SINHCAF: variants seen among roughly 807,000 people sequenced by gnomAD.
SINHCAF encodes the protein SIN3-HDAC complex-associated factor.
Under a neutral mutation model 25.8 loss-of-function variants are expected in SINHCAF, and 3 were observed. The ratio of observed to expected loss-of-function variants is 0.12; its 90% CI spans 0.05 to 0.30. SINHCAF has a LOEUF of 0.30. Among genes scored for constraint, SINHCAF ranks in the 10% least tolerant of loss-of-function variants. SINHCAF has a pLI of 1.00. For missense variants in SINHCAF, 121 were observed against 262.3 expected, an observed-to-expected ratio of 0.46 and a Z score of 3.72; for synonymous variants, 70 against 85.5, an observed-to-expected ratio of 0.82 and a Z score of 1.00.
At chr12:31,317,094 C>A (rs1245387266) in intron 1 of SINHCAF, among the ~76,000 whole-genome samples, 2 of 152,176 alleles carry the variant, frequency 1.3e-5, no homozygotes, top group Non-Finnish European at 2.9e-5. Flanking sequence ...TTCAAAAGTA[C>A]CTTTCAAAAC....
intron 1 of SINHCAF, among the ~76,000 whole-genome samples, chr12:31,317,144 A>T (rs1360706726): frequency 2.6e-5 from 4 of 152,242 alleles, no homozygotes; most frequent in Non-Finnish European, 5.9e-5. Context: ...AAGAAAATTG[A>T]GAGCAATAGT....
At chr12:31,298,030 TG>T (rs761374451) in intron 2 of SINHCAF, 46 bp downstream of exon 2, 1 of 1,555,896 alleles carries the variant, frequency 6.4e-7, no homozygotes, top group Non-Finnish European at 8.8e-7. Flanking sequence ...CTGTATGCTG[TG>T]GTATTTTTTC....
chr12:31,284,396 T>C (rs1208600068), intron 5 of SINHCAF, among the ~76,000 whole-genome samples: 5 of 152,200 alleles, frequency 3.3e-5, no homozygotes, highest in Admixed American at 6.5e-5. Context: ...ATTGTAGGAG[T>C]TGTCTGTATA....
rs552360723 is a variant in SINHCAF, at chr12:31,300,548, T to C, written c.-20-2324A>G. Among the ~76,000 whole-genome samples, 250 of 152,258 alleles carry C rather than the reference T, an allele frequency of 1.6e-3. 1 individual carries two copies. Among genetic ancestry groups the C allele is most frequent in the South Asian group, 6.8e-3 (33 of 4,826 alleles). On this transcript the variant is annotated intron_variant, in intron 1 of 5. Transcript: ENST00000337682. ...CTCTACACAGTCATAAGAAAAGATC[T>C]AGAGAGGCCTGCTCAAATGAGGCAG...
chr12:31,323,494 A>G (rs1939789906), intron 1 of SINHCAF, among the ~76,000 whole-genome samples: 1 of 152,186 alleles, frequency 6.6e-6, no homozygotes, highest in African/African-American at 2.4e-5. Context: ...GCTGGGGTAA[A>G]ACTGTCTCGG....
At chr12:31,297,994 T>C in intron 2 of SINHCAF, 83 bp downstream of exon 2, 2 of 1,330,720 alleles carry the variant, frequency 1.5e-6, no homozygotes, top group South Asian at 1.3e-5. Context: ...AGCACATTGT[T>C]CCAATCACCT....
intron 1 of SINHCAF, among the ~76,000 whole-genome samples, chr12:31,309,977 A>G (rs1395089136): frequency 6.6e-6 from 1 of 152,004 alleles, no homozygotes; most frequent in Admixed American, 6.6e-5. Flanking sequence ...AACTTGTGAT[A>G]TATTATGAGG....
chr12:31,317,931 G>A (rs780115202), intron 1 of SINHCAF, among the ~76,000 whole-genome samples: 1 of 152,168 alleles, frequency 6.6e-6, no homozygotes, highest in Non-Finnish European at 1.5e-5. Context: ...TGAAGGAGAT[G>A]CATTTCTTTA....
Position 31,321,677 on chromosome 12 carries a change from G to A in SINHCAF, c.-21+4347C>T, listed in dbSNP as rs573139290. 4.6e-5 allele frequency among the ~76,000 whole-genome samples: 7 copies of A among 152,254 alleles called. No individual in the cohort carries two copies. In the South Asian group the frequency reaches 1.5e-3, roughly 32 times the overall value. ...AAGCATTACTAACCCAGAAACCTCT[G>A]AACAGCAAAACTTCGTGCCTCAATA... On this transcript the variant is annotated intron_variant, in intron 1 of 5. Coordinates refer to ENST00000337682, the MANE Select transcript of SINHCAF (RefSeq NM_001135812.2).
chr12:31,297,440 G>A (rs972526952), intron 2 of SINHCAF, among the ~76,000 whole-genome samples: 4 of 150,056 alleles, frequency 2.7e-5, no homozygotes, highest in East Asian at 1.9e-4. Flanking sequence ...GATTACTAGC[G>A]TGAGCCACTG....
chr12:31,288,627 G>A (rs1350631101), intron 4 of SINHCAF, among the ~76,000 whole-genome samples: 1 of 73,134 alleles, frequency 1.4e-5, no homozygotes, highest in Non-Finnish European at 2.4e-5. Context: ...TCTAACACCT[G>A]GCGGTAAGTA....
intron 1 of SINHCAF, 167 bp from the exon 2 acceptor site, chr12:31,298,391 A>AT: frequency 1.5e-6 from 1 of 654,960 alleles, no homozygotes; most frequent in Non-Finnish European, 2.6e-6. Flanking sequence ...TCTTGGCACT[A>AT]TCAAGGCAAG....
chr12:31,285,063 T>C (rs1482152515), intron 5 of SINHCAF, among the ~76,000 whole-genome samples: 1 of 152,216 alleles, frequency 6.6e-6, no homozygotes, highest in Non-Finnish European at 1.5e-5. Context: ...ATGAATGTGC[T>C]ATACCTCTCA....
intron 1 of SINHCAF, chr12:31,303,005 CATCT>C (rs1938870088): frequency 5.1e-6 from 5 of 985,218 alleles, no homozygotes; most frequent in African/African-American, 1.7e-5. Context: ...TATCATCAAT[CATCT>C]ATCTGTCTAT....
chr12:31,292,184 A>G (rs1425801424), intron 4 of SINHCAF, among the ~76,000 whole-genome samples: 1 of 152,150 alleles, frequency 6.6e-6, no homozygotes, highest in African/African-American at 2.4e-5. Flanking sequence ...AAGAAAATTA[A>G]TGTTTCCCAA....
chr12:31,297,466 A>T (rs1417851876), intron 2 of SINHCAF, among the ~76,000 whole-genome samples: 4 of 138,006 alleles, frequency 2.9e-5, no homozygotes, highest in Admixed American at 2.8e-4. Context: ...GGTCAAGCGT[A>T]ATTTTTTTTT....
chr12:31,290,461 A>G (rs1256487950), intron 4 of SINHCAF, among the ~76,000 whole-genome samples: 1 of 152,182 alleles, frequency 6.6e-6, no homozygotes, highest in Non-Finnish European at 1.5e-5. Context: ...TTTTATATTT[A>G]CAAATATTTA....
At chr12:31,315,284 C>G (rs1056545891) in intron 1 of SINHCAF, among the ~76,000 whole-genome samples, 14 of 152,254 alleles carry the variant, frequency 9.2e-5, no homozygotes, top group Admixed American at 4.6e-4. Context: ...TGTGTAGGCA[C>G]CTTAGGGTCT....
At chr12:31,295,643 G>A (rs113937645) in intron 2 of SINHCAF, among the ~76,000 whole-genome samples, 341 of 152,312 alleles carry the variant, frequency 2.2e-3, no homozygotes, top group African/African-American at 7.7e-3. Context: ...TCTGAGATGG[G>A]TGGATCACTT....
Sources: allele counts gnomAD v4.1 joint callset (sites outside exome capture counted in the v4.1 genomes callset), GRCh38; gene constraint gnomAD v4.1.1; transcripts MANE v1.5; gene names NCBI Gene and HGNC (gene_info 2026-07-23, HGNC 2026-07-21).